The following CFAP299 variants were observed in gnomAD, a reference collection of about 807,000 sequenced individuals.
CFAP299 encodes the protein cilia- and flagella-associated protein 299.
Under a neutral mutation model 27.0 loss-of-function variants are expected in CFAP299, and 21 were observed. That is an observed-to-expected ratio of 0.78 (90% CI 0.55 to 1.12). The LOEUF (loss-of-function observed/expected upper bound fraction) is 1.12, where lower values mean the gene tolerates loss of function less well. CFAP299 is among the 50% of genes most tolerant of loss of function. The pLI, the probability that CFAP299 is intolerant of heterozygous loss-of-function variation, is 0.00. For missense variants in CFAP299, 310 were observed against 276.6 expected (o/e 1.12, Z -0.86); for synonymous variants, 104 against 98.1 (o/e 1.06, Z -0.36).
intron 4 of CFAP299, among the ~76,000 whole-genome samples, chr4:80,898,011 A>G (rs1734695935): frequency 6.6e-6 from 1 of 152,076 alleles, no homozygotes; most frequent in African/African-American, 2.4e-5. Context: ...AGCAAACTCC[A>G]TGTGGGGCCT....
chr4:80,509,268 C>T (rs996502059), intron 2 of CFAP299, among the ~76,000 whole-genome samples: 1 of 152,176 alleles, frequency 6.6e-6, no homozygotes, highest in Non-Finnish European at 1.5e-5. Flanking sequence ...TATTAGCTTA[C>T]AGCATGCTAA....
intron 2 of CFAP299, among the ~76,000 whole-genome samples, chr4:80,542,425 C>T (rs1246678754): frequency 6.6e-6 from 1 of 152,054 alleles, no homozygotes; most frequent in African/African-American, 2.4e-5. Flanking sequence ...TCTGAGAGAA[C>T]CCACTGAGAG....
chr4:80,898,813 A>C (rs1158094576), intron 4 of CFAP299, among the ~76,000 whole-genome samples: 1 of 152,078 alleles, frequency 6.6e-6, no homozygotes, highest in Admixed American at 6.5e-5. Flanking sequence ...GACTTAAACA[A>C]TTTTTTAGGT....
chr4:80,598,906 A>T (rs1737190282), intron 3 of CFAP299, among the ~76,000 whole-genome samples: 4 of 152,146 alleles, frequency 2.6e-5, no homozygotes. Flanking sequence ...TAATGCTAGA[A>T]ACTTGACCAC....
At chr4:80,353,218 G>A (rs1723098698) in intron 1 of CFAP299, among the ~76,000 whole-genome samples, 1 of 152,212 alleles carries the variant, frequency 6.6e-6, no homozygotes, top group Admixed American at 6.5e-5. Flanking sequence ...TCTTGGGGCA[G>A]TTCTCTTTAA....
chr4:80,741,361 G>A (rs761229661), intron 3 of CFAP299, among the ~76,000 whole-genome samples: 23 of 152,150 alleles, frequency 1.5e-4, no homozygotes, highest in Non-Finnish European at 2.6e-4. Flanking sequence ...CAATTCTACC[G>A]CCTCAGCCTC....
At chr4:80,387,465 G>A (rs1008448072) in intron 2 of CFAP299, 65 of 826,250 alleles carry the variant, frequency 7.9e-5, no homozygotes, top group South Asian at 7.0e-4. Flanking sequence ...TTGGGTTTCC[G>A]GCTTGCCCCT....
At chr4:80,784,327 G>A (rs954689616) in intron 3 of CFAP299, among the ~76,000 whole-genome samples, 2 of 151,968 alleles carry the variant, frequency 1.3e-5, no homozygotes, top group Admixed American at 1.3e-4. Context: ...GTGTACGAAG[G>A]TTCCTTTTTC....
At chr4:80,903,026 T>C (rs931914718) in intron 4 of CFAP299, among the ~76,000 whole-genome samples, 5 of 152,126 alleles carry the variant, frequency 3.3e-5, no homozygotes, top group Non-Finnish European at 1.5e-5. Flanking sequence ...ATTTGCTAGA[T>C]TCTTAGAAAT....
intron 3 of CFAP299, among the ~76,000 whole-genome samples, chr4:80,649,767 C>G (rs752797174): frequency 2.0e-5 from 3 of 151,944 alleles, no homozygotes; most frequent in Non-Finnish European, 4.4e-5. Flanking sequence ...AATGTTTGCT[C>G]AAATTGTTTG....
At chr4:80,321,660 G>A in the CFAP299 span, among the ~76,000 whole-genome samples, 4 of 152,194 alleles carry the variant, frequency 2.6e-5, no homozygotes, top group African/African-American at 9.7e-5. Flanking sequence ...GGGGAGCTGG[G>A]TGAGGGCACC....
At chr4:80,412,262 C>T (rs1214030202) in intron 2 of CFAP299, among the ~76,000 whole-genome samples, 2 of 113,740 alleles carry the variant, frequency 1.8e-5, no homozygotes, top group Non-Finnish European at 1.8e-5. Flanking sequence ...AGTCTGAATC[C>T]ACATATAGTC....
intron 5 of CFAP299, among the ~76,000 whole-genome samples, chr4:80,948,776 A>G (rs917421538): frequency 4.6e-5 from 7 of 152,092 alleles, no homozygotes; most frequent in African/African-American, 1.7e-4. Flanking sequence ...TGAATATTTG[A>G]TAAATATTCA....
intron 2 of CFAP299, among the ~76,000 whole-genome samples, chr4:80,433,330 A>G (rs1373656837): frequency 5.3e-5 from 8 of 152,302 alleles, no homozygotes; most frequent in South Asian, 2.1e-4. Flanking sequence ...AAATATCTCA[A>G]TATGTACAGC....
At chr4:80,611,012 T>G (rs1444261856) in intron 3 of CFAP299, among the ~76,000 whole-genome samples, 1 of 152,074 alleles carries the variant, frequency 6.6e-6, no homozygotes, top group African/African-American at 2.4e-5. Context: ...TGTAACTTCA[T>G]GGCCAAATGG....
chr4:80,767,951 A>G (rs188899375), intron 3 of CFAP299, among the ~76,000 whole-genome samples: 1 of 152,320 alleles, frequency 6.6e-6, no homozygotes, highest in Admixed American at 6.5e-5. Flanking sequence ...CTTTTTTAAG[A>G]AAATTAATAT....
chr4:80,917,029 T>C (rs1735799563), intron 4 of CFAP299, among the ~76,000 whole-genome samples: 1 of 151,866 alleles, frequency 6.6e-6, no homozygotes. Flanking sequence ...AAGGAAGAAA[T>C]TATTTGGAAG....
intron 4 of CFAP299, among the ~76,000 whole-genome samples, chr4:80,908,084 G>T (rs1735274310): frequency 6.6e-6 from 1 of 152,182 alleles, no homozygotes; most frequent in South Asian, 2.1e-4. Flanking sequence ...AGTGATTTCA[G>T]ACTTTGCTCA....
At chr4:80,484,745 A>G (rs1254202272) in intron 2 of CFAP299, among the ~76,000 whole-genome samples, 1 of 152,172 alleles carries the variant, frequency 6.6e-6, no homozygotes, top group Non-Finnish European at 1.5e-5. Flanking sequence ...ATTATAGAAA[A>G]TTTTAAATAA....
Sources: allele counts gnomAD v4.1 joint callset (sites outside exome capture counted in the v4.1 genomes callset), GRCh38; gene constraint gnomAD v4.1.1; transcripts MANE v1.5; gene names NCBI Gene and HGNC (gene_info 2026-07-23, HGNC 2026-07-21).